The following CNOT2 variants were observed in gnomAD, a reference collection of about 807,000 sequenced individuals.
CNOT2 encodes the protein CC chemokine receptor 4-negative regulator of transcription 2.
Under a neutral mutation model 72.1 loss-of-function variants are expected in CNOT2, and 7 were observed. The ratio of observed to expected loss-of-function variants is 0.10; its 90% confidence interval spans 0.06 to 0.18. CNOT2 has a LOEUF of 0.18. CNOT2 is among the 10% of genes least tolerant of loss of function. The probability of loss-of-function intolerance (pLI) is 1.00; values close to 1 mark genes in which losing one functional copy is unlikely to be tolerated. For synonymous variants in CNOT2, 196 were observed against 225.6 expected, an observed-to-expected ratio of 0.87 and a Z score of 1.17; for missense variants, 345 against 660.3, an observed-to-expected ratio of 0.52 and a Z score of 5.23.
chr12:70,247,655 T>C (rs929053769), intron 1 of CNOT2, among the ~76,000 whole-genome samples: 31 of 152,226 alleles, frequency 2.0e-4, no homozygotes, highest in African/African-American at 7.2e-4. Flanking sequence ...ACTTCTATTA[T>C]AGAATGTCAC....
chr12:70,261,147 T>G (rs1429371314), intron 1 of CNOT2, among the ~76,000 whole-genome samples: 2 of 151,932 alleles, frequency 1.3e-5, no homozygotes, highest in Non-Finnish European at 2.9e-5. Flanking sequence ...ATCATGTGGT[T>G]GTTCTAATAT....
chr12:70,279,459 A>G (rs1869434796), intron 2 of CNOT2, among the ~76,000 whole-genome samples: 2 of 152,330 alleles, frequency 1.3e-5, no homozygotes, highest in South Asian at 2.1e-4. Flanking sequence ...AACTGAGGGT[A>G]TGCTGAATCA....
intron 4 of CNOT2, chr12:70,323,330 TC>T (rs773302828): frequency 6.6e-6 from 1 of 151,868 alleles, no homozygotes; most frequent in South Asian, 2.1e-4. Context: ...TGACAAGCAC[TC>T]AGTAAATCTT....
intron 2 of CNOT2, among the ~76,000 whole-genome samples, chr12:70,300,534 A>G (rs1461316822): frequency 6.6e-6 from 1 of 152,126 alleles, no homozygotes; most frequent in Non-Finnish European, 1.5e-5. Context: ...GGTTGTAGAT[A>G]TGTGGCGTTA....
intron 1 of CNOT2, among the ~76,000 whole-genome samples, chr12:70,277,318 A>C (rs1869007003): frequency 6.6e-6 from 1 of 152,164 alleles, no homozygotes. Flanking sequence ...TTTTAAAGAC[A>C]GCATTTCTTG....
At chr12:70,298,996 T>G (rs549888738) in intron 2 of CNOT2, among the ~76,000 whole-genome samples, 1 of 152,234 alleles carries the variant, frequency 6.6e-6, no homozygotes, top group African/African-American at 2.4e-5. Flanking sequence ...AGTGGCTTGT[T>G]CTAGTGTATT....
intron 2 of CNOT2, among the ~76,000 whole-genome samples, chr12:70,301,505 T>C (rs1004204178): frequency 8.5e-5 from 13 of 152,138 alleles, no homozygotes; most frequent in African/African-American, 2.9e-4. Context: ...TTTGGTTCTG[T>C]TTATATGCTG....
chr12:70,299,336 T>G (rs188978070), intron 2 of CNOT2, among the ~76,000 whole-genome samples: 1,658 of 152,150 alleles, frequency 0.011, 30 homozygotes, highest in African/African-American at 0.037. Context: ...ACTTGTCATT[T>G]AGCATTAGGT....
chr12:70,246,082 C>T (rs1957864313), intron 1 of CNOT2, among the ~76,000 whole-genome samples: 1 of 152,096 alleles, frequency 6.6e-6, no homozygotes, highest in South Asian at 2.1e-4. Flanking sequence ...ATAAGATTTT[C>T]TGATAATATG....
At position 70,346,083 on chromosome 12, in the gene CNOT2, A is replaced by G. The variant is rs973668121; in HGVS notation, c.1392-97A>G. 9 of 737,286 alleles carry G rather than the reference A, an allele frequency of 1.2e-5. No individual in the cohort carries two copies. In the African/African-American group the frequency reaches 1.4e-4, roughly 12 times the overall value. The allele number at this position is 737,286 out of a possible 1,614,324, so 45.7% of individuals were successfully genotyped here. On this transcript the variant is annotated intron_variant, in intron 14 of 15. Coordinates refer to ENST00000229195, the MANE Select transcript of CNOT2 (RefSeq NM_014515.7). ...ATTCATATTTATTTATTTTATGTGT[A>G]ATTTTTTTTTTCCGGAGGAAAGCTT... is the stretch of plus-strand genomic sequence containing the variant.
chr12:70,266,584 G>T (rs1314115875), intron 1 of CNOT2, among the ~76,000 whole-genome samples: 1 of 152,102 alleles, frequency 6.6e-6, no homozygotes, highest in Non-Finnish European at 1.5e-5. Flanking sequence ...TCTCCTTTCA[G>T]GCTTATTAGT....
chr12:70,340,160 C>T (rs1881298528), intron 11 of CNOT2, among the ~76,000 whole-genome samples: 1 of 152,086 alleles, frequency 6.6e-6, no homozygotes, highest in African/African-American at 2.4e-5. Context: ...GGATTTTGTC[C>T]CTGCCACTTC....
intron 15 of CNOT2, among the ~76,000 whole-genome samples, chr12:70,353,465 T>C (rs1328372130): frequency 6.6e-6 from 1 of 152,174 alleles, no homozygotes; most frequent in Non-Finnish European, 1.5e-5. Flanking sequence ...GTTTTTATAC[T>C]TCGTTGAAGG....
chr12:70,337,144 A>AC, intron 8 of CNOT2: 1 of 275,374 alleles, frequency 3.6e-6, no homozygotes, highest in Non-Finnish European at 6.8e-6. Flanking sequence ...ATTTTTAAGC[A>AC]CCTACGCATG....
At chr12:70,245,423 A>C (rs1190876257) in intron 1 of CNOT2, among the ~76,000 whole-genome samples, 1 of 152,136 alleles carries the variant, frequency 6.6e-6, no homozygotes, top group Non-Finnish European at 1.5e-5. Context: ...AAACTGCTGA[A>C]GTTTTTTTTG....
chr12:70,350,872 T>G (rs1040082135), intron 15 of CNOT2, among the ~76,000 whole-genome samples: 9 of 152,104 alleles, frequency 5.9e-5, no homozygotes, highest in African/African-American at 1.4e-4. Flanking sequence ...CATGAGAATT[T>G]GAGAAAACAC....
chr12:70,317,611 ATTTTTTTTTTTTTTTT>A (rs529433652), intron 3 of CNOT2, among the ~76,000 whole-genome samples: 1 of 105,456 alleles, frequency 9.5e-6, no homozygotes, highest in Admixed American at 9.7e-5. Flanking sequence ...ATAAGGTTTG[ATTTTTTTTTTTTTTTT>A]TTTTTTTTTA....
chr12:70,305,204 G>A (rs892638774), intron 2 of CNOT2, among the ~76,000 whole-genome samples: 2 of 152,214 alleles, frequency 1.3e-5, no homozygotes, highest in Non-Finnish European at 2.9e-5. Flanking sequence ...GCACTGCCCA[G>A]TGAGATGAAC....
intron 2 of CNOT2, among the ~76,000 whole-genome samples, chr12:70,283,112 ATTTCC>A (rs1870161204): frequency 6.6e-6 from 1 of 152,114 alleles, no homozygotes; most frequent in Admixed American, 6.5e-5. Flanking sequence ...AGTTAAGTGT[ATTTCC>A]TTTCTTTTAT....
Sources: gnomAD v4.1 joint callset for allele counts (sites outside exome capture counted in the v4.1 genomes callset) on GRCh38, gnomAD v4.1.1 for gene constraint, MANE v1.5 for transcripts, NCBI Gene and HGNC (gene_info 2026-07-23, HGNC 2026-07-21) for gene names.